ZFHX2: variants seen among roughly 807,000 people sequenced by gnomAD.
The protein encoded by ZFHX2 is zinc finger homeobox protein 2.
In ZFHX2, 75 loss-of-function variants were observed where a neutral mutation model predicts 164.8. The ratio of observed to expected loss-of-function variants is 0.46; its 90% CI spans 0.38 to 0.55. The LOEUF is 0.55. Ranked by LOEUF, ZFHX2 falls within the 20% of genes least tolerant of loss-of-function variation. ZFHX2 has a pLI of 0.00. For synonymous variants in ZFHX2, 1,217 were observed against 1,351.4 expected (o/e 0.90, Z 2.18); for missense variants, 2,933 against 3,308.0 (o/e 0.89, Z 2.78).
rs1211217478 is a variant in ZFHX2 at position 23,535,229 on chromosome 14, G to A, written c.97C>T (p.Pro33Ser). The A allele has an allele frequency of 2.0e-6, 3 of 1,522,386 alleles. No individual in the cohort carries two copies. In the South Asian group the frequency reaches 3.6e-5, roughly 18 times the overall value. 94.3% of individuals were successfully genotyped at this position (1,522,386 alleles called of 1,614,324 possible). The part of the protein sequence containing the change: ...LPSDTFSSST[P>S]SDPVTKDPPA... Reference sequence around the variant, plus strand: ...GGATCTTTGGTGACAGGATCAGAGGGGGTGCTGGAGGAGAAGGTGTCCGAA... The same window carrying A: ...GGATCTTTGGTGACAGGATCAGAGGAGGTGCTGGAGGAGAAGGTGTCCGAA... Residue 33 changes from proline to serine, a missense_variant, in exon 2 of 10, where the codon CCC (proline) becomes TCC (serine). Pro to Ser is a moderately conservative substitution (Grantham distance 74). Coordinates refer to ENST00000419474, the MANE Select transcript of ZFHX2 (RefSeq NM_033400.3). The surrounding 1 kb of genome is among the most constrained non-coding windows in gnomAD (Gnocchi z 4.5).
Position 23,535,005 on chromosome 14 carries a change from G to A in ZFHX2, c.321C>T (p.Pro107=), listed in dbSNP as rs1176340366. 2 of 1,536,112 alleles carry A rather than the reference G, an allele frequency of 1.3e-6. No individual in the cohort carries two copies. The highest frequency in any genetic ancestry group is 8.7e-7 in the Non-Finnish European group (1 of 1,146,874). The part of the protein sequence containing the change: ...EQEEEEEGLP[P]MDLSNHLFFT... ...AGAATAAGTGGTTGCTTAGGTCCATGGGAGGGAGCCCTTCTTCTTCCTCCT... is the reference window on the plus strand; with the variant it reads ...AGAATAAGTGGTTGCTTAGGTCCATAGGAGGGAGCCCTTCTTCTTCCTCCT... The change falls in exon 2 of 10, where the codon CCC becomes CCT. Residue 107 remains proline, a synonymous_variant. Transcript: ENST00000419474. This position sits in a 1 kb window ranked among gnomAD's most constrained non-coding sequence, Gnocchi z 4.5.
rs1877971643 is a variant in ZFHX2, at chr14:23,521,425, G to C, written c.*537C>G. The C allele has an allele frequency of 6.5e-6, 1 of 154,066 alleles. No individual in the cohort carries two copies. Among genetic ancestry groups the C allele is most frequent in the Middle Eastern group, 3.4e-3 (1 of 294 alleles). The allele number at this position is 154,066 out of a possible 1,614,324, so 9.5% of individuals were successfully genotyped here. On this transcript the variant is annotated 3_prime_UTR_variant, in exon 10 of 10. Coordinates refer to ENST00000419474, the MANE Select transcript of ZFHX2 (RefSeq NM_033400.3). ...TGTGGTGCTCTAGACAAAGGGTTAG[G>C]AAGGAGAAGAGAGAGTGGCGAAGTT...
Position 23,531,657 on chromosome 14 carries a change from C to T in ZFHX2, c.2624G>A (p.Cys875Tyr). The T allele has an allele frequency of 6.6e-7, 1 of 1,507,498 alleles. No homozygotes were observed. The highest frequency in any genetic ancestry group is 8.9e-7 in the Non-Finnish European group (1 of 1,129,658). The allele number at this position is 1,507,498 out of a possible 1,614,324, so 93.4% of individuals were successfully genotyped here. Residue 875 changes from cysteine (C) to tyrosine (Y), a missense_variant, in exon 4 of 10, where the codon TGT becomes TAT. Coordinates refer to ENST00000419474, the MANE Select transcript of ZFHX2 (RefSeq NM_033400.3). The stretch of plus-strand genomic sequence containing the variant: ...CAAGCGGGAGGGTGTCTCCCACGCA[C>T]ACAACAGGCAGTGGTATAGCCCCAG... ...AELGLYHCLL[C>Y]AWETPSRLAV...
In ZFHX2 at chr14:23,533,034, C is replaced by G. The variant is rs759749001; in HGVS notation, c.2092G>C (p.Gly698Arg). 4 of 1,535,506 alleles carry G rather than the reference C, an allele frequency of 2.6e-6. No homozygotes were observed. The Admixed American group carries it at 5.9e-5, about 23-fold the overall frequency. The change falls in exon 3 of 10, where the codon GGT becomes CGT. Residue 698 changes from glycine (G) to arginine (R), a missense_variant. Physicochemically the swap from Gly to Arg is moderately radical, Grantham distance 125. Transcript: ENST00000419474. The surrounding 1 kb of genome is among the most constrained non-coding windows in gnomAD (Gnocchi z 4.8). ...DAHLPPSQLL[G>R]SSSDSLPTSP... Reference sequence around the variant, plus strand: ...GTGGGCAGGCTGTCAGATGAGGAACCCAGGAGCTGACTTGGAGGCAGGTGG... The same window carrying G: ...GTGGGCAGGCTGTCAGATGAGGAACGCAGGAGCTGACTTGGAGGCAGGTGG...
intron 1 of ZFHX2, among the ~76,000 whole-genome samples, chr14:23,539,504 G>A (rs1183443531): frequency 6.6e-6 from 1 of 152,194 alleles, no homozygotes; most frequent in Non-Finnish European, 1.5e-5. Context: ...GCCAGGCCCT[G>A]ACCGAGCAAG....
intron 4 of ZFHX2, chr14:23,531,037 G>C (rs1879480834): frequency 6.4e-6 from 1 of 156,926 alleles, no homozygotes; most frequent in Non-Finnish European, 1.4e-5. Flanking sequence ...ACAGGAAGAG[G>C]CTGGGAAGCT....
At chr14:23,543,770 CAT>C (rs978970485) in intron 1 of ZFHX2, 2 of 152,102 alleles carry the variant, frequency 1.3e-5, no homozygotes, top group African/African-American at 2.4e-5. Flanking sequence ...AAGGTCTACA[CAT>C]GTGTATCCAT....
chr14:23,533,711 A>C lies in ZFHX2; in HGVS notation c.1615T>G (p.Phe539Val), dbSNP rs550400851. ...CCCTGCCCACCAGGGCCCGCCTGGA[A>C]GCCCTGTAGGTTGGCCAGGTGCTTG... Reference protein sequence around the residue: ...SDKHLANLQGFQAGPGGQGSP... With the variant: ...SDKHLANLQGVQAGPGGQGSP... The change falls in exon 2 of 10, where the codon TTC becomes GTC. Residue 539 changes from phenylalanine (F) to valine (V), a missense_variant. Physicochemically the swap from Phe to Val is conservative, Grantham distance 50. Transcript: ENST00000419474. This position sits in a 1 kb window ranked among gnomAD's most constrained non-coding sequence, Gnocchi z 4.8. 6.5e-6 allele frequency: 10 copies of C among 1,544,590 alleles called. No homozygotes were observed. In the East Asian group the frequency reaches 1.5e-4, roughly 22 times the overall value.
chr14:23,529,542 C>CG, intron 6 of ZFHX2, 168 bp downstream of exon 6: 1 of 690,228 alleles, frequency 1.4e-6, no homozygotes, highest in Non-Finnish European at 2.5e-6. Flanking sequence ...GCTCTGCCCC[C>CG]GAAAGTGCTG....
intron 1 of ZFHX2, among the ~76,000 whole-genome samples, chr14:23,541,727 G>C (rs1880835859): frequency 6.6e-6 from 1 of 152,148 alleles, no homozygotes; most frequent in Non-Finnish European, 1.5e-5. Context: ...GCTAATAAGT[G>C]GATCAAAACT....
rs759770464 is a variant in ZFHX2, at chr14:23,524,514, G to T, written c.5428C>A (p.Leu1810Met). ...AGGGGGTTTCTCTCCCCAAACACCA[G>T]CAAGGGCAGATCTAGGAGTTGGGGG... ...APPQLLDLPLLVFGERNPLVA... is the reference protein window; with the variant it reads ...APPQLLDLPLMVFGERNPLVA... Residue 1810 changes from leucine (L) to methionine (M), a missense_variant, in exon 9 of 10, where the codon CTG becomes ATG. Coordinates refer to ENST00000419474, the MANE Select transcript of ZFHX2 (RefSeq NM_033400.3). The surrounding 1 kb of genome is among the most constrained non-coding windows in gnomAD (Gnocchi z 5.6). 1.0e-5 allele frequency: 16 copies of T among 1,526,808 alleles called. No individual in the cohort carries two copies. Among genetic ancestry groups the T allele is most frequent in the Admixed American group, 2.0e-5 (1 of 50,506 alleles). The allele number at this position is 1,526,808 out of a possible 1,614,324, so 94.6% of individuals were successfully genotyped here. A position where few individuals can be genotyped will look rare whatever the true frequency, so the allele number is the denominator to read the frequency against.
chr14:23,538,239 C>G (rs1175933084), intron 1 of ZFHX2: 1 of 152,118 alleles, frequency 6.6e-6, no homozygotes, highest in African/African-American at 2.4e-5. Context: ...ATCTCTTCCC[C>G]ACCTCCCAAC....
Position 23,535,151 on chromosome 14 carries a change from G to A in ZFHX2, c.175C>T (p.Gln59Ter). ...ENMRSSEPGG[Q>*]LLESGCGLVP... ...AGGCCACAGCCCGACTCCAGGAGCT[G>A]TCCCCCTGGCTCTGAGGACCTCATG... is the stretch of plus-strand genomic sequence containing the variant. The change falls in exon 2 of 10, where the codon CAG becomes TAG. Residue 59 changes from glutamine (Q) to a stop codon, truncating the protein, a stop_gained. Transcript: ENST00000419474. LOFTEE classifies it high-confidence loss of function. This position sits in a 1 kb window ranked among gnomAD's most constrained non-coding sequence, Gnocchi z 4.5. The A allele has an allele frequency of 2.0e-6, 3 of 1,536,036 alleles. No individual in the cohort carries two copies. Among genetic ancestry groups the A allele is most frequent in the Non-Finnish European group, 2.6e-6 (3 of 1,146,738 alleles).
chr14:23,520,936 C>T lies in ZFHX2; in HGVS notation c.*1026G>A, dbSNP rs1207506580. ...TTCTTTAGTTCATTCCTCTGGTGTCCGTTTCTCTCTTTTGTGCGCGTGTGC... is the reference window on the plus strand; with the variant it reads ...TTCTTTAGTTCATTCCTCTGGTGTCTGTTTCTCTCTTTTGTGCGCGTGTGC... On this transcript the variant is annotated 3_prime_UTR_variant, in exon 10 of 10. Coordinates refer to ENST00000419474, the MANE Select transcript of ZFHX2 (RefSeq NM_033400.3). The surrounding 1 kb of genome is among the most constrained non-coding windows in gnomAD (Gnocchi z 8.7). The T allele has an allele frequency of 6.0e-5, 9 of 150,592 alleles. No homozygotes were observed. Among genetic ancestry groups the T allele is most frequent in the Non-Finnish European group, 1.3e-4 (9 of 67,778 alleles). 9.3% of individuals were successfully genotyped at this position (150,592 alleles called of 1,614,324 possible).
chr14:23,524,091 C>T lies in ZFHX2; in HGVS notation c.5851G>A (p.Asp1951Asn). The change falls in exon 9 of 10, where the codon GAT becomes AAT. Residue 1951 changes from aspartate to asparagine, a missense_variant. Physicochemically the swap from Asp to Asn is conservative, Grantham distance 23 (BLOSUM62 1). Coordinates refer to ENST00000419474, the MANE Select transcript of ZFHX2 (RefSeq NM_033400.3). This position sits in a 1 kb window ranked among gnomAD's most constrained non-coding sequence, Gnocchi z 5.6. ...PKFNLLLGKV[D>N]DGTGREAPKR... The stretch of plus-strand genomic sequence containing the variant: ...GGGGCTTCCCTCCCAGTGCCATCAT[C>T]TACCTTGCCTAATAAGAGGTTGAAC... 4 of 1,531,090 alleles carry T rather than the reference C, an allele frequency of 2.6e-6. No homozygotes were observed. Among genetic ancestry groups the T allele is most frequent in the Non-Finnish European group, 1.7e-6 (2 of 1,144,178 alleles). 94.8% of individuals were successfully genotyped at this position (1,531,090 alleles called of 1,614,324 possible).
rs907447947 is a variant in ZFHX2, at chr14:23,522,060, C to T, written c.7621G>A (p.Ala2541Thr). The T allele has an allele frequency of 3.3e-6, 5 of 1,536,332 alleles. No homozygotes were observed. The highest frequency in any genetic ancestry group is 4.4e-6 in the Non-Finnish European group (5 of 1,146,902). The part of the protein sequence containing the change: ...PISITNAATA[A>T]SAAVAFAKEE... Reference sequence around the variant, plus strand: ...TTGGCAAAAGCCACAGCAGCCGAGGCAGCAGTGGCGGCGTTGGTGATGGAG... The same window carrying T: ...TTGGCAAAAGCCACAGCAGCCGAGGTAGCAGTGGCGGCGTTGGTGATGGAG... The change falls in exon 10 of 10, where the codon GCC becomes ACC. Residue 2541 changes from alanine (A) to threonine (T), a missense_variant. Ala to Thr is a moderately conservative substitution (Grantham distance 58). Transcript: ENST00000419474.
chr14:23,547,223 C>T (rs898953121), intron 1 of ZFHX2, among the ~76,000 whole-genome samples: 3 of 152,362 alleles, frequency 2.0e-5, no homozygotes, highest in Admixed American at 1.3e-4. Flanking sequence ...GCAGCAGTAA[C>T]TTCTCCCTCC....
Position 23,546,251 on chromosome 14 carries a change from TC to T in ZFHX2, c.-50+5091del, listed in dbSNP as rs1369502195. 6.6e-6 allele frequency among the ~76,000 whole-genome samples: 1 copy of T among 152,192 alleles called. No homozygotes were observed. The highest frequency in any genetic ancestry group is 2.4e-5 in the African/African-American group (1 of 41,434). Reference sequence around the variant, plus strand: ...GTGCATGCGACATTCCAGTTGATGGTCCTGCTGGGAATTCCAAGGCCTGAAC... The same window carrying T: ...GTGCATGCGACATTCCAGTTGATGGTCTGCTGGGAATTCCAAGGCCTGAAC... On this transcript the variant is annotated intron_variant, in intron 1 of 9. Transcript: ENST00000419474. The surrounding 1 kb of genome is among the most constrained non-coding windows in gnomAD (Gnocchi z 4.7).
In ZFHX2 at chr14:23,523,732, G is replaced by A. The variant is rs116693907; in HGVS notation, c.6210C>T (p.Thr2070=). Residue 2070 remains threonine, a synonymous_variant, in exon 9 of 10, where the codon ACC becomes ACT. Coordinates refer to ENST00000419474, the MANE Select transcript of ZFHX2 (RefSeq NM_033400.3). The surrounding 1 kb of genome is among the most constrained non-coding windows in gnomAD (Gnocchi z 4.1). ...PDGMGQRRYR[T]QMSSLQLKIM... ...TCTTCAGCTGCAGGCTGCTCATCTGGGTCCTGTAGCGCCGCTGCCCCATTC... is the reference window on the plus strand; with the variant it reads ...TCTTCAGCTGCAGGCTGCTCATCTGAGTCCTGTAGCGCCGCTGCCCCATTC... The A allele has an allele frequency of 2.0e-6, 3 of 1,536,310 alleles. No homozygotes were observed. Among genetic ancestry groups the A allele is most frequent in the Non-Finnish European group, 2.6e-6 (3 of 1,146,948 alleles).
Sources: allele counts gnomAD v4.1 joint callset (sites outside exome capture counted in the v4.1 genomes callset), GRCh38; gene constraint gnomAD v4.1.1; non-coding constraint Gnocchi (gnomAD v3.1); transcripts MANE v1.5; gene names NCBI Gene and HGNC (gene_info 2026-07-23, HGNC 2026-07-21).